SORBS2: variants seen among roughly 807,000 people sequenced by gnomAD.
SORBS2 encodes the protein sorbin and SH3 domain-containing protein 2.
A neutral mutation model predicts 97.7 loss-of-function variants in SORBS2; 46 were observed. That is an observed-to-expected ratio of 0.47 (90% CI 0.37 to 0.60). SORBS2 has a LOEUF of 0.60. Among genes scored for constraint, SORBS2 ranks in the 20% least tolerant of loss-of-function variants. The pLI is 0.00. For missense variants in SORBS2, 1,316 were observed against 1,282.3 expected, an observed-to-expected ratio of 1.03 and a Z score of -0.40; for synonymous variants, 476 against 473.4, an observed-to-expected ratio of 1.01 and a Z score of -0.07.
chr4:185,590,907 T>A (rs764112706), intron 13 of SORBS2, among the ~76,000 whole-genome samples: 10 of 152,346 alleles, frequency 6.6e-5, no homozygotes, highest in Admixed American at 1.3e-4. Context: ...CTGCTTTCTG[T>A]AACAGTCATG....
chr4:185,695,769 T>G (rs1298918322), intron 2 of SORBS2, among the ~76,000 whole-genome samples: 1 of 152,228 alleles, frequency 6.6e-6, no homozygotes, highest in African/African-American at 2.4e-5. Context: ...CAGGTTGACA[T>G]TTATCTTCAC....
intron 1 of SORBS2, among the ~76,000 whole-genome samples, chr4:185,655,095 TTTG>T (rs748166496): frequency 6.6e-6 from 1 of 152,206 alleles, no homozygotes; most frequent in Non-Finnish European, 1.5e-5. Flanking sequence ...CCTGGCGATT[TTTG>T]TTGTTTTGAA....
At chr4:185,918,226 A>G (rs1462661605) in intron 1 of SORBS2, 1 of 152,260 alleles carries the variant, frequency 6.6e-6, no homozygotes, top group African/African-American at 2.4e-5. Flanking sequence ...GGTTGTTTGC[A>G]GAAATTAAAT....
At chr4:185,781,610 C>T (rs1183175210) in intron 1 of SORBS2, among the ~76,000 whole-genome samples, 1 of 149,640 alleles carries the variant, frequency 6.7e-6, no homozygotes, top group Admixed American at 6.7e-5. Context: ...TCCCTTGCCT[C>T]CGGCCCCTCC....
chr4:185,894,143 C>G (rs1392470077), intron 1 of SORBS2, among the ~76,000 whole-genome samples: 2 of 152,092 alleles, frequency 1.3e-5, no homozygotes, highest in Non-Finnish European at 2.9e-5. Context: ...ATTCCGGTTT[C>G]TTTCAATAGA....
In SORBS2 at chr4:185,632,562, G is replaced by A. The variant is rs116423518; in HGVS notation, c.397-1964C>T. Among the ~76,000 whole-genome samples the A allele has an allele frequency of 7.1e-3, 1,078 of 152,274 alleles. 11 individuals are homozygous for A. The highest frequency in any genetic ancestry group is 0.025 in the African/African-American group (1,025 of 41,556). On this transcript the variant is annotated intron_variant, in intron 4 of 14. Coordinates refer to ENST00000418609, the Ensembl canonical transcript of SORBS2. ...CAATTAAGAAATATTAATTCTACTC[G>A]TTTGCAGAAGAGCGACACTGAAGAG...
intron 1 of SORBS2, among the ~76,000 whole-genome samples, chr4:185,785,171 A>G (rs894427163): frequency 1.3e-5 from 2 of 151,994 alleles, no homozygotes; most frequent in African/African-American, 4.8e-5. Context: ...CAGAAAAAGC[A>G]ATTTTGAAAA....
At chr4:185,903,966 A>G in intron 1 of SORBS2, among the ~76,000 whole-genome samples, 1 of 152,220 alleles carries the variant, frequency 6.6e-6, no homozygotes. Flanking sequence ...TTGCCCTCCA[A>G]GAATACTTAT....
intron 2 of SORBS2, among the ~76,000 whole-genome samples, chr4:185,745,120 C>G (rs79127732): frequency 0.046 from 6,950 of 152,228 alleles, 396 homozygotes; most frequent in East Asian, 0.2. Context: ...GGTGGGCATA[C>G]AGGCAGTGAG....
rs1173446511 is a variant in SORBS2, at chr4:185,623,674, A to G, written c.1455T>C (p.Ile485=). Residue 485 remains isoleucine, a synonymous_variant, in exon 7 of 15, where the codon ATT becomes ATC. Transcript: ENST00000418609. The surrounding 1 kb of genome is among the most constrained non-coding windows in gnomAD (Gnocchi z 6.4). ...GGGGCTGCTCATCGCTGGTGACTTC[A>G]ATGTGAATGGGCACCAGGGCGTTAG... is the stretch of plus-strand genomic sequence containing the variant. 3.7e-6 allele frequency: 6 copies of G among 1,614,056 alleles called. No individual in the cohort carries two copies. The highest frequency in any genetic ancestry group is 4.5e-5 in the East Asian group (2 of 44,864).
intron 1 of SORBS2, among the ~76,000 whole-genome samples, chr4:185,653,800 G>T (rs1444473069): frequency 6.6e-6 from 1 of 152,140 alleles, no homozygotes; most frequent in Non-Finnish European, 1.5e-5. Flanking sequence ...ATTTTGCTTG[G>T]CAAGATCTTA....
At chr4:185,832,311 T>C (rs192628608) in intron 1 of SORBS2, among the ~76,000 whole-genome samples, 73 of 152,344 alleles carry the variant, frequency 4.8e-4, no homozygotes, top group Non-Finnish European at 9.6e-4. Flanking sequence ...TATTATTTTC[T>C]TAGATTTTAA....
At chr4:185,620,417 T>C (rs1437408506) in intron 7 of SORBS2, among the ~76,000 whole-genome samples, 1 of 152,214 alleles carries the variant, frequency 6.6e-6, no homozygotes, top group Non-Finnish European at 1.5e-5. Context: ...TTAATTATAT[T>C]GCCACACCCA....
At chr4:185,874,858 AT>A (rs111821985) in intron 1 of SORBS2, among the ~76,000 whole-genome samples, 1,381 of 92,882 alleles carry the variant, frequency 0.015, 79 homozygotes, top group Middle Eastern at 0.047. Flanking sequence ...CCTTACCCTG[AT>A]TTTTTTTTTT....
At chr4:185,827,906 TACCATCATCATCATCATCACCATCATC>T (rs1221340807) in intron 1 of SORBS2, among the ~76,000 whole-genome samples, 17 of 109,150 alleles carry the variant, frequency 1.6e-4, no homozygotes, top group African/African-American at 5.6e-4. Context: ...ATCATCATCA[TACCATCATCATCATCATCACCATCATC>T]ACCATCATCA....
chr4:185,762,147 G>A (rs1429279979), intron 2 of SORBS2, among the ~76,000 whole-genome samples: 1 of 152,186 alleles, frequency 6.6e-6, no homozygotes, highest in African/African-American at 2.4e-5. Flanking sequence ...TATGTAAGTA[G>A]AATCAATGAG....
intron 5 of SORBS2, among the ~76,000 whole-genome samples, chr4:185,630,064 G>C (rs1013737007): frequency 6.6e-6 from 1 of 152,020 alleles, no homozygotes; most frequent in Non-Finnish European, 1.5e-5. Flanking sequence ...GGGGACAATA[G>C]TATTTAACCA....
intron 2 of SORBS2, among the ~76,000 whole-genome samples, chr4:185,731,439 G>T (rs2098624340): frequency 6.9e-6 from 1 of 143,954 alleles, no homozygotes; most frequent in Non-Finnish European, 1.5e-5. Context: ...TTTAGAAAGT[G>T]TTCTCTCCCC....
intron 2 of SORBS2, among the ~76,000 whole-genome samples, chr4:185,746,464 G>A (rs745349353): frequency 6.6e-6 from 1 of 152,092 alleles, no homozygotes; most frequent in Non-Finnish European, 1.5e-5. Flanking sequence ...CTAGAGGTGT[G>A]CACCACCATG....
Sources: allele counts gnomAD v4.1 joint callset (sites outside exome capture counted in the v4.1 genomes callset), GRCh38; gene constraint gnomAD v4.1.1; non-coding constraint Gnocchi (gnomAD v3.1); transcripts MANE v1.5; gene names NCBI Gene and HGNC (gene_info 2026-07-23, HGNC 2026-07-21).